IGSF21: variants seen among roughly 807,000 people sequenced by gnomAD.
The protein encoded by IGSF21 is immunoglobulin superfamily member 21.
IGSF21 carries 28 observed loss-of-function variants against 46.8 expected under a neutral mutation model. The observed-to-expected ratio is 0.60, with a 90% CI of 0.44 to 0.82. The LOEUF is 0.82. IGSF21 is among the 40% of genes least tolerant of loss of function. The probability of loss-of-function intolerance (pLI) is 0.00; values close to 1 mark genes in which losing one functional copy is unlikely to be tolerated. For missense variants in IGSF21, 624 were observed against 665.5 expected (o/e 0.94, Z 0.69); for synonymous variants, 284 against 273.6 (o/e 1.04, Z -0.38).
At chr1:18,124,020 G>C (rs2086255825) in intron 1 of IGSF21, among the ~76,000 whole-genome samples, 1 of 152,196 alleles carries the variant, frequency 6.6e-6, no homozygotes, top group South Asian at 2.1e-4. Flanking sequence ...CAGACAGGAA[G>C]AGCACTCCAG....
chr1:18,170,374 C>T (rs1406815869), intron 1 of IGSF21, among the ~76,000 whole-genome samples: 1 of 151,996 alleles, frequency 6.6e-6, no homozygotes, highest in Admixed American at 6.6e-5. Flanking sequence ...AAATGGCCAA[C>T]TTTGAACCCC....
Position 18,305,026 on chromosome 1 carries a change from G to A in IGSF21, c.305+13039G>A, listed in dbSNP as rs530224448. 3.9e-5 allele frequency among the ~76,000 whole-genome samples: 6 copies of A among 152,324 alleles called. No individual in the cohort carries two copies. In the East Asian group the frequency reaches 1.2e-3, roughly 29 times the overall value. On this transcript the variant is annotated intron_variant, in intron 3 of 9. Transcript: ENST00000251296. ...AATCTTTGCCTTGGAAGATAACTGT[G>A]TTTCAGGGAGTGAGGGTTAGGTGGA...
chr1:18,147,705 G>C (rs12071534), intron 1 of IGSF21, among the ~76,000 whole-genome samples: 1,752 of 152,218 alleles, frequency 0.012, 31 homozygotes, highest in African/African-American at 0.039. Context: ...TACCAGGATG[G>C]TTCTAGGTTT....
intron 1 of IGSF21, among the ~76,000 whole-genome samples, chr1:18,121,308 G>A (rs1382383615): frequency 1.3e-5 from 2 of 152,178 alleles, no homozygotes; most frequent in African/African-American, 4.8e-5. Context: ...AGCTCAGGGA[G>A]TAGCTGGCTT....
In IGSF21 at chr1:18,214,392, C is replaced by T. The variant is rs530941450; in HGVS notation, c.71-13506C>T. Among the ~76,000 whole-genome samples, 10 of 152,268 alleles carry T rather than the reference C, an allele frequency of 6.6e-5. 1 individual carries two copies. The highest frequency in any genetic ancestry group is 5.2e-4 in the Admixed American group (8 of 15,296). On this transcript the variant is annotated intron_variant, in intron 1 of 9. Transcript: ENST00000251296. ...AGAACCAGGAATCTTGAGTGAGATGCTCCCCCTCTGATGTTCTTTCATGGC... is the reference window on the plus strand; with the variant it reads ...AGAACCAGGAATCTTGAGTGAGATGTTCCCCCTCTGATGTTCTTTCATGGC...
At chr1:18,242,947 C>G (rs1359885143) in intron 2 of IGSF21, among the ~76,000 whole-genome samples, 2 of 152,154 alleles carry the variant, frequency 1.3e-5, no homozygotes, top group African/African-American at 4.8e-5. Flanking sequence ...GAGGAAGGGA[C>G]AGTGGGCATG....
chr1:18,240,394 A>C (rs1469136965), intron 2 of IGSF21, among the ~76,000 whole-genome samples: 1 of 152,248 alleles, frequency 6.6e-6, no homozygotes, highest in Non-Finnish European at 1.5e-5. Flanking sequence ...ACTGTCAAAT[A>C]AATGCTTCTT....
At chr1:18,226,401 A>C (rs2084567180) in intron 1 of IGSF21, among the ~76,000 whole-genome samples, 1 of 152,170 alleles carries the variant, frequency 6.6e-6, no homozygotes, top group African/African-American at 2.4e-5. Flanking sequence ...ACTGGGGTTG[A>C]GTAAATGAGG....
chr1:18,119,618 G>A (rs1268460607), intron 1 of IGSF21, among the ~76,000 whole-genome samples: 1 of 152,230 alleles, frequency 6.6e-6, no homozygotes, highest in African/African-American at 2.4e-5. Context: ...CCTTCTGGCT[G>A]TGCCAAGGAG....
chr1:18,237,845 G>A (rs1254136206), intron 2 of IGSF21, among the ~76,000 whole-genome samples: 2 of 152,174 alleles, frequency 1.3e-5, no homozygotes, highest in Non-Finnish European at 2.9e-5. Flanking sequence ...AAATGTGAAA[G>A]TGGCTTCCCA....
Position 18,184,512 on chromosome 1 carries a change from G to A in IGSF21, c.71-43386G>A, listed in dbSNP as rs74656802. On this transcript the variant is annotated intron_variant, in intron 1 of 9. Transcript: ENST00000251296. ...TCCTCGAATGAGATTCAAATGAGACGCTTGTCTGGACTCCCACCGCACACG... is the reference window on the plus strand; with the variant it reads ...TCCTCGAATGAGATTCAAATGAGACACTTGTCTGGACTCCCACCGCACACG... Among the ~76,000 whole-genome samples, 392 of 152,200 alleles carry A rather than the reference G, an allele frequency of 2.6e-3. 3 individuals carry two copies. Among genetic ancestry groups the A allele is most frequent in the South Asian group, 5.0e-3 (24 of 4,816 alleles).
chr1:18,330,310 G>T (rs2085699421), intron 3 of IGSF21, among the ~76,000 whole-genome samples: 1 of 152,230 alleles, frequency 6.6e-6, no homozygotes, highest in South Asian at 2.1e-4. Flanking sequence ...ACTAGAATCT[G>T]CCTTGGTTGG....
At chr1:18,163,321 A>G (rs2086645570) in intron 1 of IGSF21, among the ~76,000 whole-genome samples, 1 of 151,706 alleles carries the variant, frequency 6.6e-6, no homozygotes, top group African/African-American at 2.4e-5. Flanking sequence ...ATGTCGCAGG[A>G]GGAGGTATGG....
chr1:18,284,273 C>T (rs546018551), intron 2 of IGSF21, among the ~76,000 whole-genome samples: 24 of 152,326 alleles, frequency 1.6e-4, no homozygotes, highest in Middle Eastern at 3.4e-3. Flanking sequence ...GGCAGATCTG[C>T]TTAAGTGAAC....
intron 3 of IGSF21, among the ~76,000 whole-genome samples, chr1:18,313,983 C>T (rs1302675257): frequency 2.6e-5 from 4 of 152,166 alleles, no homozygotes; most frequent in African/African-American, 9.7e-5. Context: ...TCAAATTAGG[C>T]CCATGTTGTG....
At chr1:18,118,900 TTCCC>T (rs1168588944) in intron 1 of IGSF21, among the ~76,000 whole-genome samples, 3 of 149,032 alleles carry the variant, frequency 2.0e-5, no homozygotes, top group Non-Finnish European at 4.5e-5. Flanking sequence ...CTTTCTTTCC[TTCCC>T]TCCCTCCCTC....
chr1:18,236,545 A>T (rs6660120), intron 2 of IGSF21, among the ~76,000 whole-genome samples: 1 of 152,200 alleles, frequency 6.6e-6, no homozygotes, highest in Non-Finnish European at 1.5e-5. Context: ...TGCAGCCGCT[A>T]TTGAGGCCAC....
intron 1 of IGSF21, among the ~76,000 whole-genome samples, chr1:18,130,897 G>A (rs983247326): frequency 3.3e-5 from 5 of 152,220 alleles, no homozygotes; most frequent in African/African-American, 9.6e-5. Context: ...CTGCTCTGAT[G>A]GCTGAGCCAG....
chr1:18,164,763 C>A (rs141804345), intron 1 of IGSF21, among the ~76,000 whole-genome samples: 5 of 151,594 alleles, frequency 3.3e-5, no homozygotes, highest in African/African-American at 1.2e-4. Context: ...ACTTTAAGTT[C>A]TAGGGTACAT....
Sources: allele counts gnomAD v4.1 joint callset (sites outside exome capture counted in the v4.1 genomes callset), GRCh38; gene constraint gnomAD v4.1.1; transcripts MANE v1.5; gene names NCBI Gene and HGNC (gene_info 2026-07-23, HGNC 2026-07-21).